The following GALNT18 variants were observed in gnomAD, a reference collection of about 807,000 sequenced individuals.
GALNT18 encodes polypeptide N-acetylgalactosaminyltransferase 18.
A neutral mutation model predicts 69.5 loss-of-function variants in GALNT18; 44 were observed. The ratio of observed to expected loss-of-function variants is 0.63; its 90% CI spans 0.50 to 0.81. GALNT18 has a LOEUF of 0.81. Ranked by LOEUF, GALNT18 falls within the 40% of genes least tolerant of loss-of-function variation. GALNT18 has a pLI of 0.00. For missense variants in GALNT18, 715 were observed against 810.0 expected (o/e 0.88, Z 1.42); for synonymous variants, 364 against 318.2 (o/e 1.14, Z -1.53).
intron 10 of GALNT18, among the ~76,000 whole-genome samples, chr11:11,276,930 T>G (rs1003262274): frequency 1.3e-5 from 2 of 152,230 alleles, no homozygotes; most frequent in African/African-American, 4.8e-5. Flanking sequence ...TCACTGATGA[T>G]TTTCACATTG....
Position 11,541,312 on chromosome 11 carries a change from C to A in GALNT18, c.235+80047G>T, listed in dbSNP as rs1275741674. On this transcript the variant is annotated intron_variant, in intron 1 of 10. Transcript: ENST00000227756. This position sits in a 1 kb window ranked among gnomAD's most constrained non-coding sequence, Gnocchi z 4.8. Reference sequence around the variant, plus strand: ...CACCTCTCTCCCCTCCCATAGCCAACTGGACACCAGGGCTTCCTCAAACTC... The same window carrying A: ...CACCTCTCTCCCCTCCCATAGCCAAATGGACACCAGGGCTTCCTCAAACTC... 6.6e-6 allele frequency among the ~76,000 whole-genome samples: 1 copy of A among 152,134 alleles called. No homozygotes were observed. Among genetic ancestry groups the A allele is most frequent in the Non-Finnish European group, 1.5e-5 (1 of 68,024 alleles).
At chr11:11,612,941 A>G (rs76869054) in intron 1 of GALNT18, among the ~76,000 whole-genome samples, 1 of 152,334 alleles carries the variant, frequency 6.6e-6, no homozygotes, top group African/African-American at 2.4e-5. Context: ...TGTTGGTTCT[A>G]AAACCATTTT....
intron 10 of GALNT18, among the ~76,000 whole-genome samples, chr11:11,289,584 T>TTCTC (rs1020840266): frequency 6.6e-5 from 10 of 152,208 alleles, no homozygotes; most frequent in African/African-American, 2.4e-4. Context: ...CAGTGTTTCC[T>TTCTC]TCTCTGCCAT....
chr11:11,471,437 T>C (rs1856267391), intron 1 of GALNT18, among the ~76,000 whole-genome samples: 1 of 152,284 alleles, frequency 6.6e-6, no homozygotes, highest in Admixed American at 6.5e-5. Flanking sequence ...TCCATCTCCG[T>C]GGCATCATGA....
In GALNT18 at chr11:11,372,759, T is replaced by G; in HGVS notation, c.978-130A>C. 8 of 745,704 alleles carry G rather than the reference T, an allele frequency of 1.1e-5. No individual in the cohort carries two copies. The South Asian group carries it at 1.3e-4, about 12-fold the overall frequency. 46.2% of individuals were successfully genotyped at this position (745,704 alleles called of 1,614,324 possible). A position where few individuals can be genotyped will look rare whatever the true frequency, so the allele number is the denominator to read the frequency against. On this transcript the variant is annotated intron_variant, in intron 5 of 10. Transcript: ENST00000227756. The surrounding 1 kb of genome is among the most constrained non-coding windows in gnomAD (Gnocchi z 4.9). ...GCTGCCAGAGCCAGTGTGAGCCTTG[T>G]TCTTGGAGTGGCCCCTGGGTCTGGC...
At chr11:11,301,195 T>C (rs943219182) in intron 9 of GALNT18, among the ~76,000 whole-genome samples, 27 of 152,214 alleles carry the variant, frequency 1.8e-4, no homozygotes, top group African/African-American at 6.3e-4. Flanking sequence ...GTAGGAGTCA[T>C]GGAAACAGGC....
At chr11:11,302,556 C>G (rs1215028792) in intron 9 of GALNT18, among the ~76,000 whole-genome samples, 1 of 152,150 alleles carries the variant, frequency 6.6e-6, no homozygotes, top group Admixed American at 6.5e-5. Flanking sequence ...CAGATGGGAG[C>G]TGCAAACAAA....
At chr11:11,536,524 G>A (rs1857776641) in intron 1 of GALNT18, among the ~76,000 whole-genome samples, 1 of 152,248 alleles carries the variant, frequency 6.6e-6, no homozygotes, top group East Asian at 1.9e-4. Flanking sequence ...GATCTGATCA[G>A]ATGCTGCTAT....
Position 11,387,663 on chromosome 11 carries a change from G to A in GALNT18, c.596-8399C>T, listed in dbSNP as rs181528508. 6.6e-6 allele frequency among the ~76,000 whole-genome samples: 1 copy of A among 152,332 alleles called. No individual in the cohort carries two copies. Among genetic ancestry groups the A allele is most frequent in the African/African-American group, 2.4e-5 (1 of 41,576 alleles). Reference sequence around the variant, plus strand: ...ACATTTTAAAGGAGAGATTATTTATGAGGATGCAATGGTTGTCAAACCTAG... The same window carrying A: ...ACATTTTAAAGGAGAGATTATTTATAAGGATGCAATGGTTGTCAAACCTAG... On this transcript the variant is annotated intron_variant, in intron 3 of 10. Coordinates refer to ENST00000227756, the MANE Select transcript of GALNT18 (RefSeq NM_198516.3). This position sits in a 1 kb window ranked among gnomAD's most constrained non-coding sequence, Gnocchi z 4.6.
rs1371025043 is a variant in GALNT18, at chr11:11,586,090, C to G, written c.235+35269G>C. ...GGGCCCTTACCAAATGCTGAATCTG[C>G]TGGCCCCTTGATCTTGGACTTTCCG... On this transcript the variant is annotated intron_variant, in intron 1 of 10. Transcript: ENST00000227756. The surrounding 1 kb of genome is among the most constrained non-coding windows in gnomAD (Gnocchi z 4.1). 6.6e-6 allele frequency among the ~76,000 whole-genome samples: 1 copy of G among 152,160 alleles called. No homozygotes were observed. The highest frequency in any genetic ancestry group is 2.4e-5 in the African/African-American group (1 of 41,438).
intron 9 of GALNT18, among the ~76,000 whole-genome samples, chr11:11,311,153 A>G (rs1251860281): frequency 1.3e-5 from 2 of 152,150 alleles, no homozygotes. Flanking sequence ...CCACGCAGTA[A>G]AGAACTGCCC....
At chr11:11,503,084 C>T (rs573161011) in intron 1 of GALNT18, among the ~76,000 whole-genome samples, 63 of 152,230 alleles carry the variant, frequency 4.1e-4, no homozygotes, top group Admixed American at 8.5e-4. Flanking sequence ...ACCCTTAGGA[C>T]GGAGAAAAAT....
intron 7 of GALNT18, among the ~76,000 whole-genome samples, chr11:11,334,173 T>C (rs767749211): frequency 1.1e-4 from 16 of 152,272 alleles, no homozygotes; most frequent in Non-Finnish European, 1.6e-4. Context: ...CTGAGAAAGA[T>C]CACAAAAATG....
chr11:11,298,080 G>A (rs78197595), intron 9 of GALNT18, among the ~76,000 whole-genome samples: 1,660 of 152,298 alleles, frequency 0.011, 13 homozygotes, highest in Non-Finnish European at 0.018. Context: ...GCTGGGTAAC[G>A]TCCCCCAGGG....
intron 1 of GALNT18, among the ~76,000 whole-genome samples, chr11:11,466,240 C>T (rs1335661788): frequency 6.6e-6 from 1 of 152,222 alleles, no homozygotes; most frequent in African/African-American, 2.4e-5. Flanking sequence ...TTGCAAAACA[C>T]TGATGTAGAT....
rs72853845 is a variant in GALNT18, at chr11:11,583,167, G to A, written c.235+38192C>T. ...GTCCCTTTAATGAGGTTTTTCCACA[G>A]CAGCACAGAACCAGTCTCCTGCTGA... On this transcript the variant is annotated intron_variant, in intron 1 of 10. Coordinates refer to ENST00000227756, the MANE Select transcript of GALNT18 (RefSeq NM_198516.3). This position sits in a 1 kb window ranked among gnomAD's most constrained non-coding sequence, Gnocchi z 4.7. 0.032 allele frequency among the ~76,000 whole-genome samples: 4,835 copies of A among 152,248 alleles called. 100 individuals carry two copies. The highest frequency in any genetic ancestry group is 0.05 in the Non-Finnish European group (3,391 of 68,010).
rs1430332699 is a variant in GALNT18 at position 11,436,722 on chromosome 11, C to T, written c.429-3935G>A. ...CAGGGGCAAAAAGAGGGAAGAAGAG[C>T]ATATCAAGCAAGACATCTACATCCT... On this transcript the variant is annotated intron_variant, in intron 2 of 10. Transcript: ENST00000227756. The surrounding 1 kb of genome is among the most constrained non-coding windows in gnomAD (Gnocchi z 4.5). Among the ~76,000 whole-genome samples the T allele has an allele frequency of 6.6e-6, 1 of 152,216 alleles. No homozygotes were observed. The highest frequency in any genetic ancestry group is 1.5e-5 in the Non-Finnish European group (1 of 68,034).
At chr11:11,400,737 C>G (rs1476193916) in intron 3 of GALNT18, among the ~76,000 whole-genome samples, 1 of 151,902 alleles carries the variant, frequency 6.6e-6, no homozygotes, top group Non-Finnish European at 1.5e-5. Flanking sequence ...ATATGCTTCT[C>G]ACTCCCAGCT....
At chr11:11,537,489 C>T in intron 1 of GALNT18, among the ~76,000 whole-genome samples, 1 of 152,238 alleles carries the variant, frequency 6.6e-6, no homozygotes, top group African/African-American at 2.4e-5. Flanking sequence ...AGACAGGGAG[C>T]TGAGAAGAAA....
Sources: allele counts gnomAD v4.1 joint callset (sites outside exome capture counted in the v4.1 genomes callset), GRCh38; gene constraint gnomAD v4.1.1; non-coding constraint Gnocchi (gnomAD v3.1); transcripts MANE v1.5; gene names NCBI Gene and HGNC (gene_info 2026-07-23, HGNC 2026-07-21).